The following ZFR2 variants were observed in gnomAD, a reference collection of about 807,000 sequenced individuals.
ZFR2 encodes the protein zinc finger RNA binding protein 2.
In ZFR2, 104 loss-of-function variants were observed where a neutral mutation model predicts 105.7. That is an observed-to-expected ratio of 0.98 (90% CI 0.84 to 1.16). The LOEUF (loss-of-function observed/expected upper bound fraction) is 1.16, where lower values mean the gene tolerates loss of function less well. Among genes scored for constraint, ZFR2 ranks in the 50% most tolerant of loss-of-function variants. The pLI is 0.00. For missense variants in ZFR2, 1,425 were observed against 1,355.5 expected, an observed-to-expected ratio of 1.05 and a Z score of -0.80; for synonymous variants, 634 against 597.7, an observed-to-expected ratio of 1.06 and a Z score of -0.89.
At chr19:3,833,465 A>T in intron 3 of ZFR2, 199 bp downstream of exon 3, 1 of 455,566 alleles carries the variant, frequency 2.2e-6, no homozygotes, top group Admixed American at 3.4e-5. Flanking sequence ...AGTCCCAGCT[A>T]CTCGGGAGGC....
At chr19:3,831,066 T>C (rs1259596933) in intron 5 of ZFR2, among the ~76,000 whole-genome samples, 2 of 151,564 alleles carry the variant, frequency 1.3e-5, no homozygotes, top group Non-Finnish European at 2.9e-5. Flanking sequence ...CACTCACGTT[T>C]GCACACACAT....
At chr19:3,818,842 G>A (rs1011995624) in intron 12 of ZFR2, among the ~76,000 whole-genome samples, 14 of 152,374 alleles carry the variant, frequency 9.2e-5, no homozygotes, top group African/African-American at 3.1e-4. Context: ...CGGATCACCC[G>A]CTGCAAACCA....
Position 3,825,136 on chromosome 19 carries a change from C to T in ZFR2, c.1213+94G>A, listed in dbSNP as rs1599231303. On this transcript the variant is annotated intron_variant, in intron 7 of 18. Coordinates refer to ENST00000262961, the MANE Select transcript of ZFR2 (RefSeq NM_015174.2). ...CTCACCACCCCCCGGGAAGACATGACGAAAATCGACTGGATGGTAGATTTT... is the reference window on the plus strand; with the variant it reads ...CTCACCACCCCCCGGGAAGACATGATGAAAATCGACTGGATGGTAGATTTT... 1.3e-5 allele frequency: 18 copies of T among 1,366,084 alleles called. No individual in the cohort carries two copies. The East Asian group carries it at 3.6e-4, about 27-fold the overall frequency. The allele number at this position is 1,366,084 out of a possible 1,614,324, so 84.6% of individuals were successfully genotyped here.
At chr19:3,814,667 T>C (rs1384635915) in intron 13 of ZFR2, among the ~76,000 whole-genome samples, 1 of 152,224 alleles carries the variant, frequency 6.6e-6, no homozygotes, top group African/African-American at 2.4e-5. Flanking sequence ...AGGCTGCAAG[T>C]TTTCCAGAAA....
At chr19:3,807,373 T>C (rs1353336333) in intron 17 of ZFR2, 104 bp from the exon 18 acceptor site, 24 of 806,892 alleles carry the variant, frequency 3.0e-5, no homozygotes, top group Non-Finnish European at 4.4e-5. Context: ...GGCCCGTGCA[T>C]GGGGCTATAC....
chr19:3,807,505 TTGTG>T (rs987766562), intron 17 of ZFR2, among the ~76,000 whole-genome samples: 5 of 152,120 alleles, frequency 3.3e-5, no homozygotes, highest in Admixed American at 2.0e-4. Flanking sequence ...CTCCTGGGCG[TTGTG>T]TGTGTGTTCG....
intron 10 of ZFR2, among the ~76,000 whole-genome samples, chr19:3,821,065 G>A (rs981112037): frequency 6.6e-6 from 1 of 152,042 alleles, no homozygotes; most frequent in African/African-American, 2.4e-5. Context: ...CTGCAGCCGT[G>A]TGGTCCAGCG....
chr19:3,809,206 T>C (rs1290567896), intron 16 of ZFR2, among the ~76,000 whole-genome samples: 2 of 152,176 alleles, frequency 1.3e-5, no homozygotes, highest in Non-Finnish European at 2.9e-5. Context: ...GGAGTCTCGC[T>C]CTATTGCCCA....
At position 3,831,344 on chromosome 19, in the gene ZFR2, GA is replaced by G; in HGVS notation, c.810del (p.His271ThrfsTer156). On this transcript the variant is annotated frameshift_variant, in exon 5 of 19. Transcript: ENST00000262961. LOFTEE classifies it high-confidence loss of function. ...RPKAGPRQLQ[L>X]HYCDICKISC... Reference sequence around the variant, plus strand: ...CTGATCTTGCAGATGTCGCAGTAGTGAAGCTGGAGCTGCCTGGGCCCCGCCT... The same window carrying G: ...CTGATCTTGCAGATGTCGCAGTAGTGAGCTGGAGCTGCCTGGGCCCCGCCT... The G allele has an allele frequency of 6.4e-7, 1 of 1,558,126 alleles. No individual in the cohort carries two copies. Among genetic ancestry groups the G allele is most frequent in the Non-Finnish European group, 8.7e-7 (1 of 1,153,194 alleles).
rs147990974 is a variant in ZFR2 at position 3,850,103 on chromosome 19, C to T, written c.54-15120G>A. 1.2e-4 allele frequency among the ~76,000 whole-genome samples: 19 copies of T among 152,284 alleles called. No individual in the cohort carries two copies. The East Asian group carries it at 3.3e-3, about 26-fold the overall frequency. ...GCAGGAATGGAGTGCCTCTCCTACACAGATAACAGAGACGCGGGGGCAGAG... is the reference window on the plus strand; with the variant it reads ...GCAGGAATGGAGTGCCTCTCCTACATAGATAACAGAGACGCGGGGGCAGAG... On this transcript the variant is annotated intron_variant, in intron 1 of 18. Coordinates refer to ENST00000262961, the MANE Select transcript of ZFR2 (RefSeq NM_015174.2).
Position 3,854,202 on chromosome 19 carries a change from C to T in ZFR2, c.53+14763G>A, listed in dbSNP as rs377548252. On this transcript the variant is annotated intron_variant, in intron 1 of 18. Transcript: ENST00000262961. ...GGTCAGGGTTCAAGACCAGCCTGGCCAACATGGTGAAACCCCATCTCTATA... is the reference window on the plus strand; with the variant it reads ...GGTCAGGGTTCAAGACCAGCCTGGCTAACATGGTGAAACCCCATCTCTATA... Among the ~76,000 whole-genome samples the T allele has an allele frequency of 5.3e-5, 8 of 151,740 alleles. No homozygotes were observed. In the East Asian group the frequency reaches 1.6e-3, roughly 29 times the overall value.
chr19:3,814,407 A>G (rs2037804248), intron 13 of ZFR2, among the ~76,000 whole-genome samples: 1 of 152,184 alleles, frequency 6.6e-6, no homozygotes, highest in African/African-American at 2.4e-5. Flanking sequence ...GACATAGCTC[A>G]AGAGGTCTGT....
In ZFR2 at chr19:3,831,757, G is replaced by A. The variant is rs1206459258; in HGVS notation, c.501C>T (p.Thr167=). The change falls in exon 4 of 19, where the codon ACC becomes ACT. Residue 167 remains threonine (T), a synonymous_variant. Coordinates refer to ENST00000262961, the MANE Select transcript of ZFR2 (RefSeq NM_015174.2). ...QPASTLSSGY[T]YPTATGVQPE... ...GCTGGACGCCTGTCGCCGTGGGGTA[G>A]GTGTATCCCGAGGACAAGGTGCTCG... The A allele has an allele frequency of 6.2e-7, 1 of 1,610,200 alleles. No individual in the cohort carries two copies. The highest frequency in any genetic ancestry group is 1.1e-5 in the South Asian group (1 of 90,612).
chr19:3,807,625 G>A (rs1318423449), intron 17 of ZFR2, among the ~76,000 whole-genome samples: 2 of 151,934 alleles, frequency 1.3e-5, no homozygotes, highest in South Asian at 2.1e-4. Flanking sequence ...ATTGGCGTAT[G>A]TGCATGTGTG....
intron 1 of ZFR2, chr19:3,855,362 T>C: frequency 1.6e-6 from 2 of 1,231,700 alleles, no homozygotes; most frequent in East Asian, 6.3e-5. Context: ...ATATTGCTTT[T>C]GCGGGTTGCA....
chr19:3,825,405 G>A lies in ZFR2; in HGVS notation c.1038C>T (p.Val346=). The A allele has an allele frequency of 1.9e-6, 3 of 1,576,614 alleles. No homozygotes were observed. The South Asian group carries it at 3.5e-5, about 18-fold the overall frequency. ...TCCCCAGTTTGGCGTGCAGCTTGAA[G>A]ACCTGCAACAGACAGAGCCGGGCTC... is the stretch of plus-strand genomic sequence containing the variant. ...AHIRGSKHQK[V]FKLHAKLGKP... Residue 346 remains valine (V), a splice_region_variant and synonymous_variant, in exon 7 of 19, where the codon GTC becomes GTT. Transcript: ENST00000262961.
At position 3,852,074 on chromosome 19, in the gene ZFR2, G is replaced by T. The variant is rs1188197242; in HGVS notation, c.53+16891C>A. 5.8e-5 allele frequency: 16 copies of T among 274,290 alleles called. No individual in the cohort carries two copies. In the Admixed American group the frequency reaches 7.1e-4, roughly 12 times the overall value. 17.0% of individuals were successfully genotyped at this position (274,290 alleles called of 1,614,324 possible). A position where few individuals can be genotyped will look rare whatever the true frequency, so the allele number is the denominator to read the frequency against. ...CTCCTGGCCAGGCGGGGCTCAGCTG[G>T]GTGCCTCTTCTGGCCAAGGCGGTGC... is the stretch of plus-strand genomic sequence containing the variant. On this transcript the variant is annotated intron_variant, in intron 1 of 18. Transcript: ENST00000262961.
chr19:3,805,918 C>T lies in ZFR2; in HGVS notation c.*31G>A. On this transcript the variant is annotated 3_prime_UTR_variant, in exon 19 of 19. Transcript: ENST00000262961. Reference sequence around the variant, plus strand: ...GCACACGTCCAGGAGTGCAGGGATGCAAAGGCCCGCAGGTGGGGGAGGTAG... The same window carrying T: ...GCACACGTCCAGGAGTGCAGGGATGTAAAGGCCCGCAGGTGGGGGAGGTAG... 1 of 1,504,466 alleles carries T rather than the reference C, an allele frequency of 6.6e-7. No homozygotes were observed. The highest frequency in any genetic ancestry group is 8.8e-7 in the Non-Finnish European group (1 of 1,131,318). The allele number at this position is 1,504,466 out of a possible 1,614,324, so 93.2% of individuals were successfully genotyped here. A position where few individuals can be genotyped will look rare whatever the true frequency, so the allele number is the denominator to read the frequency against.
At chr19:3,829,699 G>C (rs911744501) in intron 5 of ZFR2, among the ~76,000 whole-genome samples, 2 of 152,032 alleles carry the variant, frequency 1.3e-5, no homozygotes, top group Non-Finnish European at 2.9e-5. Context: ...TTTTTTTAGA[G>C]ACAGGGTTTC....
Sources: gnomAD v4.1 joint callset for allele counts (sites outside exome capture counted in the v4.1 genomes callset) on GRCh38, gnomAD v4.1.1 for gene constraint, MANE v1.5 for transcripts, NCBI Gene and HGNC (gene_info 2026-07-23, HGNC 2026-07-21) for gene names.